AAK1: variants seen among roughly 807,000 people sequenced by gnomAD.
AAK1 encodes AP2-associated protein kinase 1.
In AAK1, 37 loss-of-function variants were observed where a neutral mutation model predicts 116.0. The observed-to-expected ratio is 0.32, with a 90% confidence interval of 0.25 to 0.42. The LOEUF (loss-of-function observed/expected upper bound fraction) is 0.42. AAK1 is among the 10% of genes least tolerant of loss of function. The pLI is 1.00. For synonymous variants in AAK1, 458 were observed against 439.9 expected (o/e 1.04, Z -0.51); for missense variants, 919 against 1,170.6 (o/e 0.79, Z 3.14).
At chr2:69,540,640 C>T (rs1407470530) in intron 5 of AAK1, among the ~76,000 whole-genome samples, 3 of 152,208 alleles carry the variant, frequency 2.0e-5, no homozygotes, top group Non-Finnish European at 4.4e-5. Flanking sequence ...CTGGAACCTT[C>T]ACGTATTGCC....
At chr2:69,488,920 A>G (rs1168686912) in intron 17 of AAK1, among the ~76,000 whole-genome samples, 6 of 152,060 alleles carry the variant, frequency 3.9e-5, no homozygotes, top group Non-Finnish European at 5.9e-5. Context: ...GACCAGGCGC[A>G]GTGGCTCACA....
At chr2:69,480,090 G>A (rs1247811512) in intron 19 of AAK1, among the ~76,000 whole-genome samples, 2 of 152,152 alleles carry the variant, frequency 1.3e-5, no homozygotes, top group Admixed American at 6.5e-5. Flanking sequence ...ATTGTTTTCT[G>A]AGAAGTTTTC....
chr2:69,566,401 G>C (rs889855443), intron 2 of AAK1, among the ~76,000 whole-genome samples: 5 of 152,050 alleles, frequency 3.3e-5, no homozygotes, highest in African/African-American at 1.2e-4. Flanking sequence ...GCTCCTTCTG[G>C]AGAACATGTC....
At chr2:69,618,891 A>G (rs778258059) in intron 2 of AAK1, among the ~76,000 whole-genome samples, 6 of 152,010 alleles carry the variant, frequency 3.9e-5, no homozygotes, top group Admixed American at 6.6e-5. Flanking sequence ...CAAGACTTCC[A>G]TTCCCTTAGG....
rs1469449116 is a variant in AAK1, at chr2:69,479,066, G to A, written c.2570-5C>T. 1.9e-6 allele frequency: 3 copies of A among 1,588,472 alleles called. No homozygotes were observed. The highest frequency in any genetic ancestry group is 1.7e-5 in the Admixed American group (1 of 59,932). ...AATCTTCCCCGGTGAGAGAATCTGAGTCCAGATTAACAGCATCCCAGGTCA... is the reference window on the plus strand; with the variant it reads ...AATCTTCCCCGGTGAGAGAATCTGAATCCAGATTAACAGCATCCCAGGTCA... On this transcript the variant is annotated splice_polypyrimidine_tract_variant and splice_region_variant and intron_variant, in intron 19 of 21. Transcript: ENST00000409085.
intron 13 of AAK1, among the ~76,000 whole-genome samples, chr2:69,513,531 G>A (rs564088209): frequency 6.6e-6 from 1 of 152,258 alleles, no homozygotes; most frequent in South Asian, 2.1e-4. Flanking sequence ...CACCACGTTA[G>A]CCAGGATGGT....
intron 16 of AAK1, among the ~76,000 whole-genome samples, chr2:69,500,698 T>TATATACACACACACACAC: frequency 1.1e-4 from 7 of 65,092 alleles, no homozygotes; most frequent in African/African-American, 5.5e-4. Context: ...TATATATATA[T>TATATACACACACACACAC]ACACACACAC....
intron 17 of AAK1, among the ~76,000 whole-genome samples, chr2:69,486,265 G>T (rs1394305390): frequency 6.6e-6 from 1 of 152,092 alleles, no homozygotes; most frequent in African/African-American, 2.4e-5. Flanking sequence ...CCTGGCTCAA[G>T]AATCTAATAT....
rs556964705 is a variant in AAK1, at chr2:69,486,992, C to T, written c.2366-4180G>A. Among the ~76,000 whole-genome samples, 9 of 152,224 alleles carry T rather than the reference C, an allele frequency of 5.9e-5. No homozygotes were observed. In the East Asian group the frequency reaches 1.7e-3, roughly 29 times the overall value. ...GCCTTCTCCTCTATGAATGAAGAAA[C>T]CAGCTCCAGAAAGTTAAAGAAACTT... On this transcript the variant is annotated intron_variant, in intron 17 of 21. Coordinates refer to ENST00000409085, the MANE Select transcript of AAK1 (RefSeq NM_014911.5).
At position 69,511,521 on chromosome 2, in the gene AAK1, G is replaced by GT. The variant is rs1436907296; in HGVS notation, c.1777-2062dup. Reference sequence around the variant, plus strand: ...CCTCTGGGGGTCCAGAGTTGTGCCTGTAACAGCTGGCTGAATACTACCACA... The same window carrying GT: ...CCTCTGGGGGTCCAGAGTTGTGCCTGTTAACAGCTGGCTGAATACTACCACA... On this transcript the variant is annotated intron_variant, in intron 13 of 21. Transcript: ENST00000409085. Among the ~76,000 whole-genome samples the GT allele has an allele frequency of 2.0e-5, 3 of 152,234 alleles. No homozygotes were observed. The South Asian group carries it at 6.2e-4, about 32-fold the overall frequency.
intron 5 of AAK1, among the ~76,000 whole-genome samples, chr2:69,538,112 T>C (rs1275276998): frequency 6.6e-6 from 1 of 152,256 alleles, no homozygotes; most frequent in Non-Finnish European, 1.5e-5. Flanking sequence ...CAACTGTGTG[T>C]ATTCTCCACC....
chr2:69,577,706 G>T (rs116230815), intron 2 of AAK1, among the ~76,000 whole-genome samples: 3,176 of 151,384 alleles, frequency 0.021, 95 homozygotes, highest in African/African-American at 0.07. Context: ...CTGGAAGCAG[G>T]GTGCAATCTA....
intron 16 of AAK1, among the ~76,000 whole-genome samples, chr2:69,497,300 T>A (rs1403593381): frequency 1.5e-5 from 2 of 132,678 alleles, no homozygotes; most frequent in Non-Finnish European, 1.6e-5. Context: ...TCATTCTTTT[T>A]TTTTTTTTTT....
intron 2 of AAK1, among the ~76,000 whole-genome samples, chr2:69,594,480 C>G (rs1276549338): frequency 6.6e-6 from 1 of 152,126 alleles, no homozygotes; most frequent in African/African-American, 2.4e-5. Flanking sequence ...CAATTCAGTG[C>G]TTTATACTTA....
chr2:69,549,631 C>A (rs1198880577), intron 3 of AAK1, among the ~76,000 whole-genome samples: 1 of 152,182 alleles, frequency 6.6e-6, no homozygotes. Flanking sequence ...TCTATTAATG[C>A]AGCTAAACAT....
chr2:69,497,551 C>T (rs1438533092), intron 16 of AAK1, among the ~76,000 whole-genome samples: 2 of 151,940 alleles, frequency 1.3e-5, no homozygotes, highest in African/African-American at 2.4e-5. Flanking sequence ...CCAACTGCCT[C>T]GGCCTCCCAA....
At chr2:69,532,310 C>G (rs750286471) in intron 5 of AAK1, 148 bp from the exon 6 acceptor site, 1 of 963,410 alleles carries the variant, frequency 1.0e-6, no homozygotes. Context: ...AGTATCTCAA[C>G]AGGGGTCATC....
At chr2:69,586,911 T>C (rs1163534682) in intron 2 of AAK1, among the ~76,000 whole-genome samples, 1 of 152,144 alleles carries the variant, frequency 6.6e-6, no homozygotes, top group Admixed American at 6.5e-5. Flanking sequence ...GTGAGCCTAA[T>C]AGGCAGTTAG....
chr2:69,478,685 C>G (rs1308720505), intron 20 of AAK1: 3 of 343,554 alleles, frequency 8.7e-6, no homozygotes, highest in Non-Finnish European at 1.6e-5. Context: ...AATTCCTAGG[C>G]TCAAGTGATC....
Sources: allele counts gnomAD v4.1 joint callset (sites outside exome capture counted in the v4.1 genomes callset), GRCh38; gene constraint gnomAD v4.1.1; transcripts MANE v1.5; gene names NCBI Gene and HGNC (gene_info 2026-07-23, HGNC 2026-07-21).